The following AKT3 variants were observed in gnomAD, a reference collection of about 807,000 sequenced individuals.
AKT3 encodes AKT serine/threonine kinase 3, also known as RAC-gamma serine/threonine-protein kinase.
Under a neutral mutation model 65.3 loss-of-function variants are expected in AKT3, and 15 were observed. That is an observed-to-expected ratio of 0.23 (90% confidence interval 0.15 to 0.35). The LOEUF is 0.35. Among genes scored for constraint, AKT3 ranks in the 10% least tolerant of loss-of-function variants. AKT3 has a pLI of 1.00. For missense variants in AKT3, 243 were observed against 576.5 expected, an observed-to-expected ratio of 0.42 and a Z score of 5.92; for synonymous variants, 206 against 183.8, an observed-to-expected ratio of 1.12 and a Z score of -0.98.
intron 13 of AKT3, among the ~76,000 whole-genome samples, chr1:243,494,125 A>G (rs1470647256): frequency 6.6e-6 from 1 of 152,250 alleles, no homozygotes. Flanking sequence ...AATACATTGA[A>G]TAAAATAAAT....
intron 2 of AKT3, among the ~76,000 whole-genome samples, chr1:243,815,601 C>T (rs1693461399): frequency 6.6e-6 from 1 of 150,818 alleles, no homozygotes; most frequent in Admixed American, 6.6e-5. Context: ...CACTCTGATA[C>T]CAAAATCTAT....
intron 6 of AKT3, chr1:243,624,806 CAACA>C (rs553181421): frequency 2.8e-4 from 59 of 208,496 alleles, no homozygotes; most frequent in Admixed American, 1.8e-3. Context: ...TCCAGACTAA[CAACA>C]AACTTGCAGT....
At chr1:243,549,806 T>C (rs1236845589) in intron 11 of AKT3, among the ~76,000 whole-genome samples, 1 of 152,170 alleles carries the variant, frequency 6.6e-6, no homozygotes, top group Non-Finnish European at 1.5e-5. Context: ...CAGAGTTACC[T>C]TTTCATGACA....
rs1038240007 is a variant in AKT3, at chr1:243,744,664, G to A, written c.47-48948C>T. Among the ~76,000 whole-genome samples, 26 of 150,474 alleles carry A rather than the reference G, an allele frequency of 1.7e-4. 1 individual carries two copies. The highest frequency in any genetic ancestry group is 1.1e-3 in the Admixed American group (16 of 15,136). On this transcript the variant is annotated intron_variant, in intron 2 of 13. Transcript: ENST00000673466. ...TGAGGCAGGAGAATGGCGTGAACCC[G>A]GGAGGCGGAGCTTGCAGTGAGCCGA... is the stretch of plus-strand genomic sequence containing the variant.
chr1:243,818,240 CATT>C (rs912611003), intron 2 of AKT3: 24 of 152,306 alleles, frequency 1.6e-4, no homozygotes, highest in Middle Eastern at 3.4e-3. Flanking sequence ...AATTCTAAGT[CATT>C]ATTACATAAT....
intron 2 of AKT3, among the ~76,000 whole-genome samples, chr1:243,791,639 A>C (rs1273293355): frequency 1.3e-5 from 2 of 152,240 alleles, no homozygotes; most frequent in Non-Finnish European, 2.9e-5. Flanking sequence ...CGAAGGATAA[A>C]TGGTGAAGAA....
At chr1:243,566,139 C>T (rs1298037333) in intron 9 of AKT3, among the ~76,000 whole-genome samples, 1 of 152,156 alleles carries the variant, frequency 6.6e-6, no homozygotes, top group Non-Finnish European at 1.5e-5. Context: ...TTTGAAGTGG[C>T]TGGATACAGA....
chr1:243,534,215 T>C (rs1333557590), intron 12 of AKT3, among the ~76,000 whole-genome samples: 3 of 152,088 alleles, frequency 2.0e-5, no homozygotes, highest in Non-Finnish European at 4.4e-5. Context: ...CTCATAGTAA[T>C]TTAAAGAAAG....
intron 3 of AKT3, among the ~76,000 whole-genome samples, chr1:243,671,599 A>G (rs886722213): frequency 4.6e-5 from 7 of 152,220 alleles, no homozygotes; most frequent in Non-Finnish European, 1.0e-4. Context: ...TAAGAGATTC[A>G]TTTAATCCAA....
chr1:243,546,123 T>C (rs1052851146), intron 11 of AKT3, among the ~76,000 whole-genome samples: 4 of 152,088 alleles, frequency 2.6e-5, no homozygotes, highest in African/African-American at 9.7e-5. Context: ...TCTCATGAGA[T>C]CTGATGGTTT....
chr1:243,677,785 C>T (rs183511711), intron 3 of AKT3, among the ~76,000 whole-genome samples: 3 of 152,078 alleles, frequency 2.0e-5, no homozygotes, highest in African/African-American at 7.2e-5. Flanking sequence ...TCAAGTAATT[C>T]CATTAAAATC....
chr1:243,630,378 G>A (rs895100218), intron 6 of AKT3, among the ~76,000 whole-genome samples: 16 of 152,086 alleles, frequency 1.1e-4, no homozygotes, highest in Non-Finnish European at 5.9e-5. Context: ...CTAAATCTGT[G>A]GACCTCTCAC....
At chr1:243,660,186 A>G (rs1436487602) in intron 4 of AKT3, among the ~76,000 whole-genome samples, 6 of 151,196 alleles carry the variant, frequency 4.0e-5, no homozygotes, top group African/African-American at 1.5e-4. Context: ...CAGAGATTCA[A>G]CTTCTTCCTG....
intron 8 of AKT3, among the ~76,000 whole-genome samples, chr1:243,610,055 T>C (rs545723145): frequency 2.0e-5 from 3 of 152,336 alleles, no homozygotes; most frequent in South Asian, 4.1e-4. Flanking sequence ...TTAATTCAGA[T>C]TTCTATGCCC....
chr1:243,802,845 C>T (rs1378480257), intron 2 of AKT3, among the ~76,000 whole-genome samples: 3 of 152,190 alleles, frequency 2.0e-5, no homozygotes, highest in Admixed American at 2.0e-4. Flanking sequence ...AAAGTCAATG[C>T]TTATCAGTAA....
At chr1:243,812,662 A>G (rs1353185006) in intron 2 of AKT3, among the ~76,000 whole-genome samples, 5 of 152,180 alleles carry the variant, frequency 3.3e-5, no homozygotes, top group African/African-American at 9.6e-5. Flanking sequence ...CAGCCATCCC[A>G]TTAGTGGGTA....
rs146751616 is a variant in AKT3 at position 243,816,964 on chromosome 1, G to A, written c.46+26161C>T. On this transcript the variant is annotated intron_variant, in intron 2 of 13. Transcript: ENST00000673466. ...GTGAATCTTGTGACTTGTTGCACGA[G>A]TAAAATGTATTGGAACAATGATCTG... 3.3e-4 allele frequency among the ~76,000 whole-genome samples: 51 copies of A among 152,266 alleles called. No individual in the cohort carries two copies. The East Asian group carries it at 8.1e-3, about 24-fold the overall frequency.
chr1:243,569,849 T>C (rs1674429639), intron 9 of AKT3, among the ~76,000 whole-genome samples: 1 of 152,202 alleles, frequency 6.6e-6, no homozygotes, highest in South Asian at 2.1e-4. Context: ...CCATGGTCAT[T>C]GGTTGTATTT....
intron 3 of AKT3, among the ~76,000 whole-genome samples, chr1:243,669,372 T>G (rs1220667781): frequency 1.3e-5 from 2 of 152,092 alleles, no homozygotes; most frequent in African/African-American, 2.4e-5. Context: ...AGAAATACTA[T>G]GGGGTACAGA....
Sources: gnomAD v4.1 joint callset for allele counts (sites outside exome capture counted in the v4.1 genomes callset) on GRCh38, gnomAD v4.1.1 for gene constraint, MANE v1.5 for transcripts, NCBI Gene and HGNC (gene_info 2026-07-23, HGNC 2026-07-21) for gene names.